The following ALK variants were observed in gnomAD, a reference collection of about 807,000 sequenced individuals.
ALK encodes the protein ALK receptor tyrosine kinase.
Under a neutral mutation model 163.1 loss-of-function variants are expected in ALK, and 74 were observed. The ratio of observed to expected loss-of-function variants is 0.45; its 90% CI spans 0.38 to 0.55. The LOEUF is 0.55. ALK is among the 20% of genes least tolerant of loss of function. The pLI is 0.00. For missense variants in ALK, 2,063 were observed against 2,105.3 expected (o/e 0.98, Z 0.39); for synonymous variants, 960 against 843.2 (o/e 1.14, Z -2.40).
At chr2:29,318,162 G>A (rs897849756) in intron 8 of ALK, 142 bp downstream of exon 8, 19 of 719,096 alleles carry the variant, frequency 2.6e-5, no homozygotes, top group Non-Finnish European at 3.8e-5. Context: ...GCTCTGCCTC[G>A]AAGATGGCAG....
intron 8 of ALK, among the ~76,000 whole-genome samples, chr2:29,314,465 G>GA (rs1666774285): frequency 6.6e-6 from 1 of 152,102 alleles, no homozygotes; most frequent in Non-Finnish European, 1.5e-5. Flanking sequence ...ATCCCAGAGG[G>GA]TGTGTGCACG....
intron 1 of ALK, among the ~76,000 whole-genome samples, chr2:29,862,724 C>T (rs921107711): frequency 2.0e-5 from 3 of 151,980 alleles, no homozygotes; most frequent in Non-Finnish European, 2.9e-5. Context: ...AATGCAACCC[C>T]TATCAAAATT....
chr2:29,596,623 G>C (rs1675223233), intron 3 of ALK, among the ~76,000 whole-genome samples: 1 of 152,168 alleles, frequency 6.6e-6, no homozygotes, highest in East Asian at 1.9e-4. Flanking sequence ...AGATTCTGAG[G>C]GCCTTGAGTG....
At chr2:29,622,369 TC>T (rs1408036437) in intron 3 of ALK, among the ~76,000 whole-genome samples, 1 of 152,084 alleles carries the variant, frequency 6.6e-6, no homozygotes, top group Non-Finnish European at 1.5e-5. Flanking sequence ...AAAAGGCACT[TC>T]TTACATGGCA....
intron 4 of ALK, among the ~76,000 whole-genome samples, chr2:29,512,265 C>T (rs574085297): frequency 3.3e-5 from 5 of 151,372 alleles, no homozygotes; most frequent in African/African-American, 4.9e-5. Flanking sequence ...ACTGGCAAAC[C>T]GAATCCAGCA....
intron 1 of ALK, among the ~76,000 whole-genome samples, chr2:29,893,918 T>C (rs1667206619): frequency 6.6e-6 from 1 of 152,036 alleles, no homozygotes; most frequent in Non-Finnish European, 1.5e-5. Context: ...TCATTTAAAG[T>C]CTCTTATGGA....
chr2:29,375,933 C>G (rs1404147280), intron 5 of ALK, among the ~76,000 whole-genome samples: 6 of 152,274 alleles, frequency 3.9e-5, no homozygotes, highest in African/African-American at 1.4e-4. Context: ...CCACCTAAAT[C>G]CAAAGGACAT....
At chr2:29,507,007 G>C (rs1672345047) in intron 4 of ALK, among the ~76,000 whole-genome samples, 1 of 152,164 alleles carries the variant, frequency 6.6e-6, no homozygotes, top group African/African-American at 2.4e-5. Flanking sequence ...GTAGGATCCA[G>C]CAATTCCACT....
intron 4 of ALK, among the ~76,000 whole-genome samples, chr2:29,463,519 TTTCA>T (rs1671135845): frequency 6.6e-6 from 1 of 152,130 alleles, no homozygotes; most frequent in Admixed American, 6.6e-5. Flanking sequence ...AAATGGTGGG[TTTCA>T]GCCACTGAAC....
intron 2 of ALK, among the ~76,000 whole-genome samples, chr2:29,711,365 C>G (rs1274013720): frequency 1.3e-5 from 2 of 152,212 alleles, no homozygotes; most frequent in Non-Finnish European, 2.9e-5. Flanking sequence ...TCCAAAACAT[C>G]TCCCTTCTTG....
intron 1 of ALK, among the ~76,000 whole-genome samples, chr2:29,774,903 T>C (rs1222730797): frequency 6.6e-6 from 1 of 152,190 alleles, no homozygotes; most frequent in Non-Finnish European, 1.5e-5. Flanking sequence ...AAAGGGATGA[T>C]TCTAAAATTC....
intron 11 of ALK, among the ~76,000 whole-genome samples, chr2:29,256,640 C>T (rs1345443986): frequency 6.6e-6 from 1 of 151,768 alleles, no homozygotes; most frequent in Non-Finnish European, 1.5e-5. Context: ...ATCCCTGAGC[C>T]TGGGGCTCAG....
intron 1 of ALK, among the ~76,000 whole-genome samples, chr2:29,805,585 C>T (rs1211441002): frequency 6.6e-6 from 1 of 152,158 alleles, no homozygotes; most frequent in Non-Finnish European, 1.5e-5. Context: ...TAGGTGGGAG[C>T]ATGTGGTATT....
chr2:29,488,522 A>G (rs974709909), intron 4 of ALK, among the ~76,000 whole-genome samples: 1 of 152,238 alleles, frequency 6.6e-6, no homozygotes, highest in Non-Finnish European at 1.5e-5. Context: ...GACTTGGACC[A>G]GATAATATTG....
At chr2:29,712,000 A>C (rs77497042) in intron 2 of ALK, among the ~76,000 whole-genome samples, 1 of 152,122 alleles carries the variant, frequency 6.6e-6, no homozygotes, top group South Asian at 2.1e-4. Flanking sequence ...ACTTGCCACC[A>C]ACATAGAGAT....
Position 29,398,043 on chromosome 2 carries a change from A to T in ALK, c.1155-14184T>A, listed in dbSNP as rs1669352821. On this transcript the variant is annotated intron_variant, in intron 4 of 28. Transcript: ENST00000389048. ...GCTGGGACTGCCACTGCCAATTTTC[A>T]TGACTTTCGAGGGTCAGCTCAAAAT... Among the ~76,000 whole-genome samples, 4 of 152,170 alleles carry T rather than the reference A, an allele frequency of 2.6e-5. No homozygotes were observed. The South Asian group carries it at 8.3e-4, about 32-fold the overall frequency.
chr2:29,586,417 G>A (rs10190696), intron 3 of ALK, among the ~76,000 whole-genome samples: 8,805 of 151,914 alleles, frequency 0.058, 566 homozygotes, highest in African/African-American at 0.15. Context: ...ATCTACATTT[G>A]AGAATGAAAT....
intron 1 of ALK, among the ~76,000 whole-genome samples, chr2:29,907,980 G>A (rs1667594158): frequency 6.6e-6 from 1 of 151,952 alleles, no homozygotes; most frequent in African/African-American, 2.4e-5. Flanking sequence ...TCTTATATCT[G>A]GGCATCTATT....
At chr2:29,370,396 A>G (rs1490941076) in intron 5 of ALK, among the ~76,000 whole-genome samples, 1 of 152,180 alleles carries the variant, frequency 6.6e-6, no homozygotes, top group Non-Finnish European at 1.5e-5. Flanking sequence ...TGAATCATAA[A>G]TCTTACAGAC....
Sources: allele counts gnomAD v4.1 joint callset (sites outside exome capture counted in the v4.1 genomes callset), GRCh38; gene constraint gnomAD v4.1.1; transcripts MANE v1.5; gene names NCBI Gene and HGNC (gene_info 2026-07-23, HGNC 2026-07-21).